Variants in GLI2 observed in about 807,000 individuals in gnomAD.
GLI2 encodes transcription activator GLI2.
Under a neutral mutation model 78.9 loss-of-function variants are expected in GLI2, and 22 were observed. The ratio of observed to expected loss-of-function variants is 0.28; its 90% CI spans 0.20 to 0.40. GLI2 has a LOEUF of 0.40. GLI2 is among the 10% of genes least tolerant of loss of function. The pLI, the probability that GLI2 is intolerant of heterozygous loss-of-function variation, is 1.00. For missense variants in GLI2, 2,097 were observed against 2,213.2 expected, an observed-to-expected ratio of 0.95 and a Z score of 1.05; for synonymous variants, 974 against 963.7, an observed-to-expected ratio of 1.01 and a Z score of -0.20.
At chr2:120,840,999 AAATGTGCATCT>A (rs1473110087) in intron 2 of GLI2, among the ~76,000 whole-genome samples, 2 of 152,098 alleles carry the variant, frequency 1.3e-5, no homozygotes, top group Non-Finnish European at 2.9e-5. Flanking sequence ...TTGCCAGCTG[AAATGTGCATCT>A]AAACAGATGT....
At chr2:120,841,911 A>C (rs1686901169) in intron 2 of GLI2, among the ~76,000 whole-genome samples, 1 of 140,226 alleles carries the variant, frequency 7.1e-6, no homozygotes, top group Non-Finnish European at 1.6e-5. Context: ...TGGGAAAGAT[A>C]AATGAAGGCC....
In GLI2 at chr2:120,898,584, C is replaced by T. The variant is rs536639044; in HGVS notation, c.149-28777C>T. Among the ~76,000 whole-genome samples, 8 of 152,224 alleles carry T rather than the reference C, an allele frequency of 5.3e-5. No homozygotes were observed. In the East Asian group the frequency reaches 1.4e-3, roughly 26 times the overall value. On this transcript the variant is annotated intron_variant, in intron 2 of 13. Transcript: ENST00000361492. ...TTACAAAGAGAGCTTCATTTTATCA[C>T]CACCCGGCTCTGGGTGGCAAGGAGT...
At chr2:120,947,854 C>G (rs527238124) in intron 3 of GLI2, among the ~76,000 whole-genome samples, 1 of 152,168 alleles carries the variant, frequency 6.6e-6, no homozygotes, top group African/African-American at 2.4e-5. Context: ...TATCTGCCTC[C>G]GGGGGATGGC....
At chr2:120,746,271 G>C (rs142678380) in intron 1 of GLI2, among the ~76,000 whole-genome samples, 4 of 152,380 alleles carry the variant, frequency 2.6e-5, no homozygotes, top group African/African-American at 9.6e-5. Context: ...TGGAAGTCCT[G>C]TTCTCATGCT....
chr2:120,790,121 G>A (rs765296696), intron 1 of GLI2, among the ~76,000 whole-genome samples: 2 of 152,180 alleles, frequency 1.3e-5, no homozygotes, highest in Non-Finnish European at 2.9e-5. Context: ...AGGGGATTTC[G>A]GAAGAGCGAT....
intron 2 of GLI2, among the ~76,000 whole-genome samples, chr2:120,863,474 CCACGTGAAGAACA>C (rs1234181024): frequency 6.6e-6 from 1 of 152,242 alleles, no homozygotes; most frequent in African/African-American, 2.4e-5. Context: ...CACTAGGACT[CCACGTGAAGAACA>C]CACAGTTCTT....
rs541947789 is a variant in GLI2 at position 120,851,671 on chromosome 2, G to C, written c.148+54203G>C. ...TCTTCACACTGTCCCCGAACACAGA[G>C]GAGGCAGTGAGTGCCAGCCGGGCAT... On this transcript the variant is annotated intron_variant, in intron 2 of 13. Transcript: ENST00000361492. Among the ~76,000 whole-genome samples, 11 of 152,362 alleles carry C rather than the reference G, an allele frequency of 7.2e-5. No individual in the cohort carries two copies. In the South Asian group the frequency reaches 2.3e-3, roughly 32 times the overall value.
rs1335405295 is a variant in GLI2 at position 120,990,525 on chromosome 2, C to T, written c.4560C>T (p.Leu1520=). 5 of 1,614,158 alleles carry T rather than the reference C, an allele frequency of 3.1e-6. No individual in the cohort carries two copies. The East Asian group carries it at 8.9e-5, about 29-fold the overall frequency. ...TGAGCCCCAGCCTCCTCCACAGCCT[C>T]TCCCAGAACTCCTCCCGCCTCACCA... ...GALSPSLLHS[L]SQNSSRLTTP... Residue 1520 remains leucine (L), a synonymous_variant, in exon 14 of 14, where the codon CTC becomes CTT. Transcript: ENST00000361492.
intron 5 of GLI2, among the ~76,000 whole-genome samples, chr2:120,966,798 G>C (rs1459667216): frequency 6.6e-6 from 1 of 152,182 alleles, no homozygotes; most frequent in Admixed American, 6.5e-5. Flanking sequence ...GGAGTGGGGG[G>C]CTCAGAGGCT....
intron 5 of GLI2, among the ~76,000 whole-genome samples, chr2:120,968,332 C>G (rs1417524407): frequency 6.6e-6 from 1 of 152,114 alleles, no homozygotes; most frequent in African/African-American, 2.4e-5. Context: ...CCCAGGTGGG[C>G]TAACTTGGTG....
Position 120,876,069 on chromosome 2 carries a change from C to T in GLI2, c.149-51292C>T, listed in dbSNP as rs991629825. Among the ~76,000 whole-genome samples the T allele has an allele frequency of 6.6e-5, 10 of 152,256 alleles. No homozygotes were observed. In the South Asian group the frequency reaches 1.2e-3, roughly 19 times the overall value. Reference sequence around the variant, plus strand: ...TACAAAAATAAATGCAGGCCGGGTGCGGTGGCTCACACCTGTAATCCCAGC... The same window carrying T: ...TACAAAAATAAATGCAGGCCGGGTGTGGTGGCTCACACCTGTAATCCCAGC... On this transcript the variant is annotated intron_variant, in intron 2 of 13. Coordinates refer to ENST00000361492, the MANE Select transcript of GLI2 (RefSeq NM_001374353.1).
intron 3 of GLI2, among the ~76,000 whole-genome samples, chr2:120,930,795 C>T (rs765539330): frequency 6.6e-6 from 1 of 152,250 alleles, no homozygotes; most frequent in South Asian, 2.1e-4. Flanking sequence ...AGAAGGGAGG[C>T]CCTCAGTGCC....
chr2:120,978,641 C>T (rs1446092310), intron 10 of GLI2, 58 bp downstream of exon 10: 16 of 1,582,682 alleles, frequency 1.0e-5, no homozygotes, highest in East Asian at 2.3e-5. Flanking sequence ...TCAGCCAGGC[C>T]GGGGGGATCA....
chr2:120,861,303 C>T (rs1031260229), intron 2 of GLI2, among the ~76,000 whole-genome samples: 5 of 152,166 alleles, frequency 3.3e-5, no homozygotes, highest in South Asian at 2.1e-4. Flanking sequence ...TGGGTGCTGA[C>T]GTGAATATGA....
chr2:120,781,700 TG>T (rs1166915438), intron 1 of GLI2, among the ~76,000 whole-genome samples: 3 of 152,144 alleles, frequency 2.0e-5, no homozygotes, highest in African/African-American at 4.8e-5. Context: ...CTGGCCAACA[TG>T]GGGAAACCCC....
intron 2 of GLI2, among the ~76,000 whole-genome samples, chr2:120,917,567 TG>T (rs1679163153): frequency 3.3e-5 from 5 of 152,236 alleles, no homozygotes; most frequent in Admixed American, 3.3e-4. Flanking sequence ...GAAGTAGTAC[TG>T]GGTTTGGTGT....
chr2:120,850,617 C>T (rs1176576111), intron 2 of GLI2, among the ~76,000 whole-genome samples: 1 of 152,150 alleles, frequency 6.6e-6, no homozygotes, highest in African/African-American at 2.4e-5. Flanking sequence ...AGGAGGGAGA[C>T]CCCCAAGAAG....
At chr2:120,824,300 G>A (rs114058763) in intron 2 of GLI2, among the ~76,000 whole-genome samples, 202 of 152,330 alleles carry the variant, frequency 1.3e-3, no homozygotes, top group African/African-American at 4.5e-3. Flanking sequence ...AAATTTACTC[G>A]CTGTGTTGAC....
intron 2 of GLI2, among the ~76,000 whole-genome samples, chr2:120,898,853 C>T (rs277541): frequency 0.058 from 8,825 of 152,216 alleles, 390 homozygotes; most frequent in African/African-American, 0.12. Flanking sequence ...TGTTCTCACC[C>T]AGAATGAAAG....
Sources: allele counts gnomAD v4.1 joint callset (sites outside exome capture counted in the v4.1 genomes callset), GRCh38; gene constraint gnomAD v4.1.1; transcripts MANE v1.5; gene names NCBI Gene and HGNC (gene_info 2026-07-23, HGNC 2026-07-21).